The following TANC1 variants were observed in gnomAD, a reference collection of about 807,000 sequenced individuals.
TANC1 encodes the protein protein TANC1.
Under a neutral mutation model 149.7 loss-of-function variants are expected in TANC1, and 77 were observed. That is an observed-to-expected ratio of 0.51 (90% CI 0.43 to 0.62). The LOEUF (loss-of-function observed/expected upper bound fraction) is 0.62, where lower values mean the gene tolerates loss of function less well. TANC1 is among the 20% of genes least tolerant of loss of function. The pLI is 0.00. For synonymous variants in TANC1, 854 were observed against 925.0 expected (o/e 0.92, Z 1.39); for missense variants, 1,985 against 2,321.8 (o/e 0.85, Z 2.98).
At chr2:159,101,997 G>C (rs893820739) in intron 4 of TANC1, among the ~76,000 whole-genome samples, 6 of 152,134 alleles carry the variant, frequency 3.9e-5, no homozygotes, top group African/African-American at 1.2e-4. Context: ...TGATGTAGCA[G>C]TTTTGAAAAC....
intron 2 of TANC1, chr2:159,004,018 A>T: frequency 6.2e-7 from 1 of 1,612,384 alleles, no homozygotes; most frequent in East Asian, 2.2e-5. Flanking sequence ...GAAGAGGTGA[A>T]CATGATTAAA....
intron 2 of TANC1, among the ~76,000 whole-genome samples, chr2:159,002,683 T>G (rs1253135599): frequency 2.6e-5 from 4 of 152,160 alleles, no homozygotes; most frequent in Non-Finnish European, 4.4e-5. Context: ...AGGAGGGAAA[T>G]GCCCTCTCGA....
chr2:159,050,884 A>C (rs2041414882), intron 2 of TANC1, among the ~76,000 whole-genome samples: 1 of 152,224 alleles, frequency 6.6e-6, no homozygotes, highest in Non-Finnish European at 1.5e-5. Context: ...TTATCAGTAC[A>C]TTGAAATATG....
intron 2 of TANC1, among the ~76,000 whole-genome samples, chr2:159,042,464 G>T (rs1373373431): frequency 6.6e-6 from 1 of 152,098 alleles, no homozygotes; most frequent in Non-Finnish European, 1.5e-5. Flanking sequence ...CTCCTTGTTG[G>T]AATCTTTCAA....
intron 4 of TANC1, among the ~76,000 whole-genome samples, chr2:159,117,142 A>T (rs1194971695): frequency 1.3e-5 from 2 of 152,146 alleles, no homozygotes; most frequent in Non-Finnish European, 2.9e-5. Context: ...CAGGAACACA[A>T]CCTAAATACA....
At chr2:159,040,578 T>C (rs138883281) in intron 2 of TANC1, among the ~76,000 whole-genome samples, 7,411 of 152,266 alleles carry the variant, frequency 0.049, 572 homozygotes, top group African/African-American at 0.17. Flanking sequence ...GCATGCATCA[T>C]GTAGTTCTCG....
chr2:159,027,240 C>G (rs1351360726), intron 2 of TANC1: 3 of 152,138 alleles, frequency 2.0e-5, no homozygotes, highest in Admixed American at 6.5e-5. Flanking sequence ...CATTTCTTTG[C>G]TCTCATATAT....
At chr2:159,157,638 C>T (rs964089826) in intron 7 of TANC1, among the ~76,000 whole-genome samples, 7 of 152,160 alleles carry the variant, frequency 4.6e-5, no homozygotes, top group Admixed American at 3.3e-4. Context: ...GAGGCAGTCT[C>T]GCTACAGTAG....
chr2:159,008,851 G>T (rs959041971), intron 2 of TANC1, among the ~76,000 whole-genome samples: 1 of 152,214 alleles, frequency 6.6e-6, no homozygotes, highest in Middle Eastern at 3.4e-3. Flanking sequence ...CAACTGGGGA[G>T]AGTCCTGTAG....
chr2:159,062,288 T>TA (rs1451058437), intron 2 of TANC1, among the ~76,000 whole-genome samples: 5 of 152,126 alleles, frequency 3.3e-5, no homozygotes, highest in African/African-American at 9.7e-5. Flanking sequence ...ACACATATAG[T>TA]AAAAAAGAAC....
intron 4 of TANC1, among the ~76,000 whole-genome samples, chr2:159,116,972 C>T (rs1244591442): frequency 6.6e-6 from 1 of 152,220 alleles, no homozygotes; most frequent in African/African-American, 2.4e-5. Flanking sequence ...TTTCACTTTA[C>T]TTCATTGCCA....
intron 5 of TANC1, 57 bp from the exon 6 acceptor site, chr2:159,149,085 A>G (rs1344330398): frequency 2.6e-6 from 4 of 1,525,290 alleles, no homozygotes; most frequent in Non-Finnish European, 3.5e-6. Flanking sequence ...ACTCATCCAG[A>G]TGCGATACTG....
intron 3 of TANC1, among the ~76,000 whole-genome samples, chr2:159,066,232 GAC>G (rs2042649575): frequency 6.6e-6 from 1 of 151,882 alleles, no homozygotes; most frequent in Non-Finnish European, 1.5e-5. Context: ...AACATAAAGA[GAC>G]ACTTTCCTCT....
At chr2:159,168,013 C>T (rs2054784339) in intron 8 of TANC1, among the ~76,000 whole-genome samples, 1 of 152,162 alleles carries the variant, frequency 6.6e-6, no homozygotes, top group Non-Finnish European at 1.5e-5. Flanking sequence ...TTTACCCAGG[C>T]ACTATGTCTC....
Position 159,178,856 on chromosome 2 carries a change from G to C in TANC1, c.2203G>C (p.Glu735Gln), listed in dbSNP as rs376278764. Reference protein sequence around the residue: ...SYKVVPVSLSELYLLQCNMKF... With the variant: ...SYKVVPVSLSQLYLLQCNMKF... ...CAAGGTGGTGCCCGTGTCTCTCTCT[G>C]AGCTCTATTTGCTTCAGTGCAACAT... Residue 735 changes from glutamate (E) to glutamine (Q), a missense_variant, in exon 14 of 27, where the codon GAG becomes CAG. Coordinates refer to ENST00000263635, the MANE Select transcript of TANC1 (RefSeq NM_033394.3). 32 of 1,614,166 alleles carry C rather than the reference G, an allele frequency of 2.0e-5. No individual in the cohort carries two copies. The highest frequency in any genetic ancestry group is 6.7e-5 in the Admixed American group (4 of 60,024).
intron 3 of TANC1, among the ~76,000 whole-genome samples, chr2:159,073,036 C>T (rs754804559): frequency 1.3e-5 from 2 of 152,178 alleles, no homozygotes; most frequent in South Asian, 2.1e-4. Flanking sequence ...GAAGTACTTG[C>T]ATTTTATGGT....
Position 159,136,061 on chromosome 2 carries a change from C to CGTGCGT in TANC1, c.260-131_260-130insGCGTGT, listed in dbSNP as rs768696697. 3,041 of 468,448 alleles carry CGTGCGT rather than the reference C, an allele frequency of 6.5e-3. 184 individuals carry two copies. Among genetic ancestry groups the CGTGCGT allele is most frequent in the Middle Eastern group, 0.015 (24 of 1,650 alleles). 29.0% of individuals were successfully genotyped at this position (468,448 alleles called of 1,614,324 possible). A position where few individuals can be genotyped will look rare whatever the true frequency, so the allele number is the denominator to read the frequency against. ...GTGTGTGTGTGTGTGCGCGCGCGCG[C>CGTGCGT]GTTTAAGGGAGGGGAAGGCACTGGC... On this transcript the variant is annotated intron_variant, in intron 4 of 26. Transcript: ENST00000263635.
rs1297084173 is a variant in TANC1 at position 158,977,363 on chromosome 2, T to G, written c.-126+8581T>G. Among the ~76,000 whole-genome samples, 3 of 152,070 alleles carry G rather than the reference T, an allele frequency of 2.0e-5. 1 individual carries two copies. In the Middle Eastern group the frequency reaches 0.01, roughly 517 times the overall value. Reference sequence around the variant, plus strand: ...ACTTTCTCTGTTGCCCAGGTTGGAGTGCAGTGGTGCTGTCTCAGCTCACCA... The same window carrying G: ...ACTTTCTCTGTTGCCCAGGTTGGAGGGCAGTGGTGCTGTCTCAGCTCACCA... On this transcript the variant is annotated intron_variant, in intron 1 of 26. Coordinates refer to ENST00000263635, the MANE Select transcript of TANC1 (RefSeq NM_033394.3).
rs73969448 is a variant in TANC1, at chr2:159,117,284, T to A, written c.260-18910T>A. On this transcript the variant is annotated intron_variant, in intron 4 of 26. Coordinates refer to ENST00000263635, the MANE Select transcript of TANC1 (RefSeq NM_033394.3). ...AGATTTATAGAGAAGTTGCAAAGAA[T>A]GCAGAGTTCCCGTGCACTCCATACC... is the stretch of plus-strand genomic sequence containing the variant. Among the ~76,000 whole-genome samples the A allele has an allele frequency of 7.0e-3, 1,071 of 152,342 alleles. 8 individuals are homozygous for A. Among genetic ancestry groups the A allele is most frequent in the African/African-American group, 0.024 (1,008 of 41,572 alleles).
Sources: allele counts gnomAD v4.1 joint callset (sites outside exome capture counted in the v4.1 genomes callset), GRCh38; gene constraint gnomAD v4.1.1; transcripts MANE v1.5; gene names NCBI Gene and HGNC (gene_info 2026-07-23, HGNC 2026-07-21).